The following KPNB1 variants were observed in gnomAD, a reference collection of about 807,000 sequenced individuals.
KPNB1 encodes importin subunit beta-1.
Under a neutral mutation model 113.0 loss-of-function variants are expected in KPNB1, and 7 were observed. That is an observed-to-expected ratio of 0.06 (90% CI 0.04 to 0.12). The LOEUF (loss-of-function observed/expected upper bound fraction) is 0.12, where lower values mean the gene tolerates loss of function less well. Among genes scored for constraint, KPNB1 ranks in the 10% least tolerant of loss-of-function variants. The pLI, the probability that KPNB1 is intolerant of heterozygous loss-of-function variation, is 1.00. For synonymous variants in KPNB1, 363 were observed against 378.6 expected (o/e 0.96, Z 0.48); for missense variants, 400 against 1,054.8 (o/e 0.38, Z 8.60).
intron 4 of KPNB1, 127 bp from the exon 5 acceptor site, chr17:47,658,381 C>T: frequency 2.1e-6 from 2 of 974,150 alleles, no homozygotes; most frequent in South Asian, 1.7e-5. Context: ...TGGTGCAGTA[C>T]AGATGCAACC....
chr17:47,654,712 T>C (rs992765884), intron 3 of KPNB1, among the ~76,000 whole-genome samples: 2 of 152,188 alleles, frequency 1.3e-5, no homozygotes, highest in Non-Finnish European at 1.5e-5. Context: ...TCAAGTAATA[T>C]GGAGTCTTCA....
At chr17:47,658,800 G>A (rs2029988839) in intron 5 of KPNB1, 140 bp downstream of exon 5, 3 of 682,920 alleles carry the variant, frequency 4.4e-6, no homozygotes, top group Non-Finnish European at 2.4e-6. Flanking sequence ...GTTTAGTCGA[G>A]TTCGTATTGT....
At chr17:47,681,508 G>A (rs1004555081) in intron 21 of KPNB1, among the ~76,000 whole-genome samples, 1 of 150,686 alleles carries the variant, frequency 6.6e-6, no homozygotes, top group Non-Finnish European at 1.5e-5. Flanking sequence ...TCCTGACCTC[G>A]TGATCCACCC....
At chr17:47,676,807 C>CTTTTTT (rs10649330) in intron 16 of KPNB1, among the ~76,000 whole-genome samples, 6 of 116,230 alleles carry the variant, frequency 5.2e-5, no homozygotes, top group African/African-American at 9.9e-5. Context: ...GAGAGCAAGG[C>CTTTTTT]TTTTTTTTTT....
Position 47,652,884 on chromosome 17 carries a change from A to G in KPNB1, c.282+8A>G, listed in dbSNP as rs762172452. The stretch of plus-strand genomic sequence containing the variant: ...CGAGAAGTCAAGAACTATGTGAGTA[A>G]CGCTTATCTGTTTGGTTATATTGCC... On this transcript the variant is annotated splice_region_variant and intron_variant, in intron 3 of 21. Transcript: ENST00000290158. The G allele has an allele frequency of 1.3e-6, 2 of 1,555,022 alleles. No individual in the cohort carries two copies. Among genetic ancestry groups the G allele is most frequent in the African/African-American group, 1.4e-5 (1 of 72,446 alleles).
chr17:47,674,358 G>A (rs1256992517), intron 14 of KPNB1, among the ~76,000 whole-genome samples: 1 of 152,206 alleles, frequency 6.6e-6, no homozygotes, highest in East Asian at 1.9e-4. Context: ...GCGGCTACCA[G>A]CAGGGATTTG....
chr17:47,675,634 G>A (rs987033432), intron 15 of KPNB1, among the ~76,000 whole-genome samples: 3 of 151,982 alleles, frequency 2.0e-5, no homozygotes, highest in Non-Finnish European at 4.4e-5. Flanking sequence ...GCCTGGTATG[G>A]GATGAAATGA....
At chr17:47,672,122 C>T (rs1597935411) in intron 12 of KPNB1, among the ~76,000 whole-genome samples, 1 of 151,548 alleles carries the variant, frequency 6.6e-6, no homozygotes, top group Admixed American at 6.6e-5. Flanking sequence ...TCTCGTACTT[C>T]AGCCTCCCGA....
At chr17:47,670,599 T>C (rs566034919) in intron 11 of KPNB1, 103 bp from the exon 12 acceptor site, 3 of 1,246,150 alleles carry the variant, frequency 2.4e-6, no homozygotes, top group South Asian at 3.3e-5. Flanking sequence ...GCAGAAAAAG[T>C]TGGAAGTTCA....
At chr17:47,672,095 T>G (rs2030466277) in intron 12 of KPNB1, among the ~76,000 whole-genome samples, 1 of 151,526 alleles carries the variant, frequency 6.6e-6, no homozygotes, top group East Asian at 1.9e-4. Context: ...CACTGCAACC[T>G]CCTGGGTTCA....
At chr17:47,673,667 C>G (rs114206697) in intron 14 of KPNB1, 106 bp downstream of exon 14, 14 of 854,064 alleles carry the variant, frequency 1.6e-5, no homozygotes, top group South Asian at 1.4e-4. Flanking sequence ...ATAGATGATG[C>G]GGATCAGAAG....
Position 47,665,066 on chromosome 17 carries a change from C to A in KPNB1, c.907C>A (p.Gln303Lys), listed in dbSNP as rs1388776392. 6.2e-7 allele frequency: 1 copy of A among 1,614,086 alleles called. No homozygotes were observed. Residue 303 changes from glutamine to lysine, a missense_variant, in exon 9 of 22, where the codon CAA becomes AAA. By Grantham distance (53) the Gln-to-Lys change is moderately conservative. Coordinates refer to ENST00000290158, the MANE Select transcript of KPNB1 (RefSeq NM_002265.6). ...LAIEASEAAE[Q>K]GRPPEHTSKF... Reference sequence around the variant, plus strand: ...CTTTGTTTCTCCTCAGGCAGCAGAACAAGGACGGCCCCCTGAGCACACCAG... The same window carrying A: ...CTTTGTTTCTCCTCAGGCAGCAGAAAAAGGACGGCCCCCTGAGCACACCAG...
chr17:47,656,005 G>A (rs1915706720), intron 3 of KPNB1, among the ~76,000 whole-genome samples: 1 of 152,196 alleles, frequency 6.6e-6, no homozygotes, highest in Admixed American at 6.5e-5. Context: ...TGTCATCCCA[G>A]TACTTTGGTA....
chr17:47,658,007 A>G (rs2143103294), intron 4 of KPNB1, among the ~76,000 whole-genome samples: 1 of 152,274 alleles, frequency 6.6e-6, no homozygotes, highest in African/African-American at 2.4e-5. Context: ...ACTTGAACCC[A>G]GGAATTTGAG....
At chr17:47,665,189 G>C in intron 9 of KPNB1, 31 bp downstream of exon 9, 1 of 1,517,860 alleles carries the variant, frequency 6.6e-7, no homozygotes. Flanking sequence ...AGGTAGGTAA[G>C]CTGTGGAACC....
intron 4 of KPNB1, among the ~76,000 whole-genome samples, chr17:47,658,236 A>G (rs2029967004): frequency 6.6e-6 from 1 of 152,190 alleles, no homozygotes; most frequent in South Asian, 2.1e-4. Flanking sequence ...CATATAACCT[A>G]TGCACATCCT....
At chr17:47,659,391 A>G (rs755590499) in intron 5 of KPNB1, among the ~76,000 whole-genome samples, 1 of 152,076 alleles carries the variant, frequency 6.6e-6, no homozygotes, top group African/African-American at 2.4e-5. Context: ...AAATTATGGT[A>G]TGTACTATAT....
Position 47,665,967 on chromosome 17 carries a change from G to A in KPNB1, c.999+809G>A, listed in dbSNP as rs928892117. ...AATTCTCAATATAGCAGTTTCAAAA[G>A]CTAAGTAGGGATGTGTTTGGATTAA... On this transcript the variant is annotated intron_variant, in intron 9 of 21. Transcript: ENST00000290158. 3.2e-4 allele frequency among the ~76,000 whole-genome samples: 49 copies of A among 152,196 alleles called. 1 individual carries two copies. Among genetic ancestry groups the A allele is most frequent in the African/African-American group, 1.1e-3 (46 of 41,458 alleles).
In KPNB1 at chr17:47,665,162, A is replaced by G. The variant is rs1947037368; in HGVS notation, c.999+4A>G. The G allele has an allele frequency of 1.2e-6, 2 of 1,605,646 alleles. No individual in the cohort carries two copies. Among genetic ancestry groups the G allele is most frequent in the Middle Eastern group, 1.7e-4 (1 of 6,050 alleles). The stretch of plus-strand genomic sequence containing the variant: ...CACACAGACACTAACTAAACAGGTG[A>G]GTTACCTTCCAAATATAGGTAGGTA... On this transcript the variant is annotated splice_donor_region_variant and intron_variant, in intron 9 of 21. Coordinates refer to ENST00000290158, the MANE Select transcript of KPNB1 (RefSeq NM_002265.6).
Sources: gnomAD v4.1 joint callset for allele counts (sites outside exome capture counted in the v4.1 genomes callset) on GRCh38, gnomAD v4.1.1 for gene constraint, MANE v1.5 for transcripts, NCBI Gene and HGNC (gene_info 2026-07-23, HGNC 2026-07-21) for gene names.